RHPN2: variants seen among roughly 807,000 people sequenced by gnomAD.
The protein encoded by RHPN2 is rhophilin-2.
A neutral mutation model predicts 79.0 loss-of-function variants in RHPN2; 40 were observed. That is an observed-to-expected ratio of 0.51 (90% CI 0.39 to 0.66). The LOEUF is 0.66. RHPN2 is among the 30% of genes least tolerant of loss of function. The pLI is 0.00. For synonymous variants in RHPN2, 285 were observed against 363.5 expected (o/e 0.78, Z 2.46); for missense variants, 686 against 883.5 (o/e 0.78, Z 2.83).
intron 3 of RHPN2, among the ~76,000 whole-genome samples, chr19:33,023,271 C>G (rs1971939081): frequency 6.6e-6 from 1 of 151,724 alleles, no homozygotes; most frequent in South Asian, 2.1e-4. Context: ...CCCGTCTCTA[C>G]TAAAAATACA....
At chr19:33,005,976 C>T (rs1398158508) in intron 7 of RHPN2, among the ~76,000 whole-genome samples, 1 of 151,960 alleles carries the variant, frequency 6.6e-6, no homozygotes, top group Non-Finnish European at 1.5e-5. Context: ...TTACCACAAC[C>T]TCGGCTGATC....
intron 1 of RHPN2, among the ~76,000 whole-genome samples, chr19:33,063,201 C>G (rs1280611544): frequency 2.6e-5 from 4 of 152,034 alleles, no homozygotes; most frequent in African/African-American, 9.7e-5. Context: ...AAACGCCACA[C>G]ATAATTAGAA....
chr19:33,022,380 C>T (rs1454234529), intron 3 of RHPN2, among the ~76,000 whole-genome samples: 10 of 152,164 alleles, frequency 6.6e-5, no homozygotes, highest in African/African-American at 1.2e-4. Flanking sequence ...CCCCCACCTC[C>T]TCTGCCCCCC....
At chr19:33,020,200 T>C (rs564848463) in intron 4 of RHPN2, among the ~76,000 whole-genome samples, 75 of 152,258 alleles carry the variant, frequency 4.9e-4, no homozygotes, top group Non-Finnish European at 8.5e-4. Context: ...CCCAGGAATG[T>C]GGCTGGGGGA....
At chr19:32,994,093 G>A (rs756567276) in intron 11 of RHPN2, 40 bp from the exon 12 acceptor site, 1 of 1,388,256 alleles carries the variant, frequency 7.2e-7, no homozygotes, top group East Asian at 2.3e-5. Flanking sequence ...AAACGTTTCT[G>A]TAATTGAAAG....
At chr19:33,029,385 G>T (rs1439770758) in intron 2 of RHPN2, among the ~76,000 whole-genome samples, 1 of 151,810 alleles carries the variant, frequency 6.6e-6, no homozygotes, top group South Asian at 2.1e-4. Context: ...AATTAGCTGG[G>T]CATGGTGGTG....
In RHPN2 at chr19:32,980,251, A is replaced by G. The variant is rs776823238; in HGVS notation, c.1806T>C (p.Asn602=). ...SLLDSTSSMH[N]KSATYSVGMQ... The stretch of plus-strand genomic sequence containing the variant: ...TTCCCACGGAGTATGTGGCACTCTT[A>G]TTATGCTGCACATAGAAAAGTAAGA... Residue 602 remains asparagine (N), a synonymous_variant, in exon 15 of 15, where the codon AAT becomes AAC. Coordinates refer to ENST00000254260, the MANE Select transcript of RHPN2 (RefSeq NM_033103.5). 1.2e-6 allele frequency: 2 copies of G among 1,613,898 alleles called. No individual in the cohort carries two copies. Among genetic ancestry groups the G allele is most frequent in the South Asian group, 2.2e-5 (2 of 91,070 alleles).
At chr19:32,997,455 A>G (rs955925305) in intron 10 of RHPN2, among the ~76,000 whole-genome samples, 9 of 151,258 alleles carry the variant, frequency 6.0e-5, no homozygotes, top group African/African-American at 2.2e-4. Flanking sequence ...AAGACTGGGA[A>G]TGGGGTTGTC....
intron 3 of RHPN2, among the ~76,000 whole-genome samples, chr19:33,024,188 C>G (rs576626266): frequency 2.6e-5 from 4 of 152,106 alleles, no homozygotes; most frequent in Non-Finnish European, 5.9e-5. Context: ...AATCCCAGCA[C>G]TTTGGGAGGC....
At chr19:33,022,063 C>A (rs1246632892) in intron 3 of RHPN2, among the ~76,000 whole-genome samples, 1 of 152,150 alleles carries the variant, frequency 6.6e-6, no homozygotes. Context: ...GCCTCAGCCC[C>A]CCGAGTAACT....
At chr19:32,986,771 G>A (rs1460515258) in intron 14 of RHPN2, among the ~76,000 whole-genome samples, 1 of 143,722 alleles carries the variant, frequency 7.0e-6, no homozygotes, top group African/African-American at 2.6e-5. Flanking sequence ...TCCAGCCTAG[G>A]AAATAGTGCA....
At chr19:33,061,729 C>A (rs916051873) in intron 1 of RHPN2, among the ~76,000 whole-genome samples, 1 of 152,174 alleles carries the variant, frequency 6.6e-6, no homozygotes, top group Admixed American at 6.6e-5. Context: ...AGTGATCCAC[C>A]TGCCTCAGCA....
At chr19:33,015,319 G>A (rs1255533416) in intron 4 of RHPN2, among the ~76,000 whole-genome samples, 15 of 152,060 alleles carry the variant, frequency 9.9e-5, no homozygotes, top group Non-Finnish European at 1.5e-5. Flanking sequence ...CAGCTACTCA[G>A]GAGGCTGAGG....
chr19:32,994,051 T>C lies in RHPN2; in HGVS notation c.1423A>G (p.Lys475Glu). ...ATAATGTCAACCTCTTGCTCAGTTTTAGCTAGAATAGAGGATTAGAAATGG... is the reference window on the plus strand; with the variant it reads ...ATAATGTCAACCTCTTGCTCAGTTTCAGCTAGAATAGAGGATTAGAAATGG... ...NLIDAPSVVA[K>E]TEQEVDIILP... is the part of the protein sequence containing the mutation. The change falls in exon 12 of 15, where the codon AAA becomes GAA. Residue 475 changes from lysine to glutamate, a missense_variant and splice_region_variant. Physicochemically the swap from Lys to Glu is moderately conservative, Grantham distance 56. Transcript: ENST00000254260. 2 of 1,605,760 alleles carry C rather than the reference T, an allele frequency of 1.2e-6. No individual in the cohort carries two copies. The highest frequency in any genetic ancestry group is 8.5e-7 in the Non-Finnish European group (1 of 1,172,520).
At chr19:33,010,273 C>T (rs1456526141) in intron 6 of RHPN2, among the ~76,000 whole-genome samples, 3 of 152,086 alleles carry the variant, frequency 2.0e-5, no homozygotes, top group South Asian at 2.1e-4. Flanking sequence ...GCTGTAGAAA[C>T]ATTGAATTCT....
chr19:33,032,346 G>A (rs995741726), intron 2 of RHPN2, among the ~76,000 whole-genome samples: 3 of 151,982 alleles, frequency 2.0e-5, no homozygotes, highest in Non-Finnish European at 2.9e-5. Flanking sequence ...GCTTCATTAC[G>A]TATAGATGAT....
chr19:33,063,801 A>ACCCGCCACCCGCCG lies in RHPN2; in HGVS notation c.69+969_69+982dup, dbSNP rs916655823. Among the ~76,000 whole-genome samples, 166 of 133,392 alleles carry ACCCGCCACCCGCCG rather than the reference A, an allele frequency of 1.2e-3. 1 individual carries two copies. The highest frequency in any genetic ancestry group is 1.3e-3 in the Non-Finnish European group (86 of 65,810). The allele number at this position is 133,392 out of a possible 152,430, so 87.5% of individuals were successfully genotyped here. A position where few individuals can be genotyped will look rare whatever the true frequency, so the allele number is the denominator to read the frequency against. The stretch of plus-strand genomic sequence containing the variant: ...CATGCCAAGAACCTGCGAGGCCGGC[A>ACCCGCCACCCGCCG]CCCGCCACCCGCCGCCCGCCGCCCG... On this transcript the variant is annotated intron_variant, in intron 1 of 14. Coordinates refer to ENST00000254260, the MANE Select transcript of RHPN2 (RefSeq NM_033103.5).
At chr19:32,992,875 C>G (rs1347912658) in intron 12 of RHPN2, among the ~76,000 whole-genome samples, 1 of 150,758 alleles carries the variant, frequency 6.6e-6, no homozygotes, top group Non-Finnish European at 1.5e-5. Context: ...TACCTGTAAT[C>G]CCAGCACTCT....
At chr19:33,007,750 T>A (rs1971803268) in intron 7 of RHPN2, among the ~76,000 whole-genome samples, 1 of 87,040 alleles carries the variant, frequency 1.1e-5, no homozygotes, top group Admixed American at 1.2e-4. Flanking sequence ...ACCGAGCAAG[T>A]TTTTTTTTTT....
Sources: gnomAD v4.1 joint callset for allele counts (sites outside exome capture counted in the v4.1 genomes callset) on GRCh38, gnomAD v4.1.1 for gene constraint, MANE v1.5 for transcripts, NCBI Gene and HGNC (gene_info 2026-07-23, HGNC 2026-07-21) for gene names.